Variants in MGAT4C observed in about 807,000 individuals in gnomAD.
MGAT4C encodes alpha-1,3-mannosyl-glycoprotein 4-beta-N-acetylglucosaminyltransferase C.
A neutral mutation model predicts 40.1 loss-of-function variants in MGAT4C; 19 were observed. That is an observed-to-expected ratio of 0.47 (90% CI 0.33 to 0.70). The LOEUF (loss-of-function observed/expected upper bound fraction) is 0.70. Among genes scored for constraint, MGAT4C ranks in the 30% least tolerant of loss-of-function variants. The pLI, the probability that MGAT4C is intolerant of heterozygous loss-of-function variation, is 0.02. For missense variants in MGAT4C, 491 were observed against 563.2 expected, an observed-to-expected ratio of 0.87 and a Z score of 1.30; for synonymous variants, 181 against 187.1, an observed-to-expected ratio of 0.97 and a Z score of 0.27.
At position 86,327,968 on chromosome 12, in the gene MGAT4C, G is replaced by T. The variant is rs550489596; in HGVS notation, c.-57+6097C>A. 3.0e-4 allele frequency among the ~76,000 whole-genome samples: 46 copies of T among 152,116 alleles called. 1 individual carries two copies. The highest frequency in any genetic ancestry group is 6.8e-3 in the Middle Eastern group (2 of 294). On this transcript the variant is annotated intron_variant, in intron 4 of 7. Coordinates refer to the MGAT4C transcript ENST00000548651. ...CCAGAAACTTCCCAGATAGCAAAAT[G>T]TTGTTGCATTGTTCTAGACCTCCAA...
chr12:86,797,799 CCT>C (rs1952154920), intron 1 of MGAT4C, among the ~76,000 whole-genome samples: 1 of 151,716 alleles, frequency 6.6e-6, no homozygotes, highest in Admixed American at 6.6e-5. Context: ...GATATTTGAA[CCT>C]CTCTTCTTCT....
At chr12:86,715,962 A>T (rs956322192) in intron 2 of MGAT4C, among the ~76,000 whole-genome samples, 10 of 152,178 alleles carry the variant, frequency 6.6e-5, no homozygotes, top group Non-Finnish European at 1.2e-4. Flanking sequence ...AAGAGCAAAC[A>T]AAACTAGAAA....
At position 85,966,740 on chromosome 12, in the gene MGAT4C, T is replaced by C. The variant is rs1479452791; in HGVS notation, c.*12549A>G. ...AGCCATAAAAAATGATGAGTTCATG[T>C]CCTTTGTAGGGACATGGATGAAGCT... is the stretch of plus-strand genomic sequence containing the variant. On this transcript the variant is annotated 3_prime_UTR_variant, in exon 5 of 5. Transcript: ENST00000611864. 6.6e-6 allele frequency: 1 copy of C among 152,086 alleles called. No individual in the cohort carries two copies. Among genetic ancestry groups the C allele is most frequent in the Non-Finnish European group, 1.5e-5 (1 of 68,020 alleles). 9.4% of individuals were successfully genotyped at this position (152,086 alleles called of 1,614,324 possible). A position where few individuals can be genotyped will look rare whatever the true frequency, so the allele number is the denominator to read the frequency against.
chr12:86,776,394 A>T (rs1316578771), intron 1 of MGAT4C, among the ~76,000 whole-genome samples: 2 of 152,118 alleles, frequency 1.3e-5, no homozygotes, highest in East Asian at 3.9e-4. Context: ...TTAAATTTGT[A>T]TAAATGTTTC....
chr12:86,052,390 T>G (rs1892978497), intron 1 of MGAT4C, among the ~76,000 whole-genome samples: 1 of 151,948 alleles, frequency 6.6e-6, no homozygotes, highest in African/African-American at 2.4e-5. Context: ...AAAGTGAAAT[T>G]CTACATTAAT....
chr12:86,777,657 G>A (rs1281619236), intron 1 of MGAT4C, among the ~76,000 whole-genome samples: 1 of 152,174 alleles, frequency 6.6e-6, no homozygotes, highest in Admixed American at 6.5e-5. Flanking sequence ...AGAGGAACAG[G>A]AGAACTGAAA....
At chr12:86,822,222 G>A (rs1475696800) in intron 1 of MGAT4C, among the ~76,000 whole-genome samples, 1 of 150,872 alleles carries the variant, frequency 6.6e-6, no homozygotes, top group African/African-American at 2.4e-5. Context: ...AAAGTCAAAG[G>A]AAGGAATCAA....
chr12:86,621,562 T>C (rs1962638916), intron 2 of MGAT4C, among the ~76,000 whole-genome samples: 1 of 152,190 alleles, frequency 6.6e-6, no homozygotes, highest in African/African-American at 2.4e-5. Flanking sequence ...CACTGCATCC[T>C]TGATTTCTTG....
intron 1 of MGAT4C, among the ~76,000 whole-genome samples, chr12:86,740,833 T>C (rs1951058042): frequency 6.6e-6 from 1 of 151,270 alleles, no homozygotes; most frequent in East Asian, 1.9e-4. Flanking sequence ...GTAAAAATTA[T>C]TGCATCCACT....
intron 2 of MGAT4C, among the ~76,000 whole-genome samples, chr12:86,690,450 C>T (rs1331562342): frequency 4.6e-5 from 7 of 152,052 alleles, no homozygotes; most frequent in African/African-American, 1.7e-4. Context: ...GTGTAGGCAC[C>T]CGAGAGAATC....
chr12:86,114,719 T>A (rs1185627458), intron 1 of MGAT4C, among the ~76,000 whole-genome samples: 1 of 151,888 alleles, frequency 6.6e-6, no homozygotes, highest in Non-Finnish European at 1.5e-5. Flanking sequence ...TAATTGATAT[T>A]AGATAGCTGA....
intron 2 of MGAT4C, among the ~76,000 whole-genome samples, chr12:86,616,532 A>G (rs1267365777): frequency 6.6e-6 from 1 of 152,126 alleles, no homozygotes; most frequent in Non-Finnish European, 1.5e-5. Flanking sequence ...AAGAGTTGCT[A>G]TATCATGAGC....
intron 4 of MGAT4C, among the ~76,000 whole-genome samples, chr12:86,278,702 T>G (rs971275553): frequency 6.6e-6 from 1 of 152,170 alleles, no homozygotes; most frequent in Non-Finnish European, 1.5e-5. Context: ...CTTTCTTTTT[T>G]CTGATTGCTT....
At chr12:86,501,323 G>C (rs997763136) in intron 2 of MGAT4C, among the ~76,000 whole-genome samples, 4 of 151,974 alleles carry the variant, frequency 2.6e-5, no homozygotes, top group Non-Finnish European at 5.9e-5. Context: ...CTTAGCACAT[G>C]TATTGTTATT....
At chr12:86,494,114 G>T (rs991254625) in intron 2 of MGAT4C, among the ~76,000 whole-genome samples, 14 of 151,774 alleles carry the variant, frequency 9.2e-5, no homozygotes, top group Non-Finnish European at 1.8e-4. Flanking sequence ...GTTCATTTGT[G>T]CCCCTTTATG....
At chr12:86,108,700 T>C (rs897957626) in intron 1 of MGAT4C, among the ~76,000 whole-genome samples, 2 of 152,120 alleles carry the variant, frequency 1.3e-5, no homozygotes, top group East Asian at 3.9e-4. Flanking sequence ...AAATGTTAAG[T>C]CTCCACTCCA....
intron 1 of MGAT4C, among the ~76,000 whole-genome samples, chr12:86,779,695 C>T (rs1454031045): frequency 1.3e-5 from 2 of 152,020 alleles, no homozygotes; most frequent in African/African-American, 2.4e-5. Context: ...GGGCGGATCA[C>T]GAGGTCAGGA....
At chr12:86,688,157 C>CTTTTTTT (rs55637680) in intron 2 of MGAT4C, among the ~76,000 whole-genome samples, 9 of 65,238 alleles carry the variant, frequency 1.4e-4, no homozygotes, top group East Asian at 1.1e-3. Context: ...GCAACCCCTG[C>CTTTTTTT]TTTTTTTTTT....
chr12:86,265,438 A>G (rs1050966880), intron 4 of MGAT4C, among the ~76,000 whole-genome samples: 9 of 152,106 alleles, frequency 5.9e-5, no homozygotes, highest in African/African-American at 2.2e-4. Flanking sequence ...CCCAATGTGT[A>G]TTCTTGTTTA....
Sources: allele counts gnomAD v4.1 joint callset (sites outside exome capture counted in the v4.1 genomes callset), GRCh38; gene constraint gnomAD v4.1.1; transcripts MANE v1.5; gene names NCBI Gene and HGNC (gene_info 2026-07-23, HGNC 2026-07-21).